Variants in TAB1 observed in about 807,000 individuals in gnomAD.
TAB1 encodes the protein TGF-beta-activated kinase 1 and MAP3K7-binding protein 1.
Under a neutral mutation model 54.5 loss-of-function variants are expected in TAB1, and 30 were observed. The ratio of observed to expected loss-of-function variants is 0.55; its 90% confidence interval spans 0.41 to 0.75. TAB1 has a LOEUF of 0.75. Among genes scored for constraint, TAB1 ranks in the 30% least tolerant of loss-of-function variants. The pLI, the probability that TAB1 is intolerant of heterozygous loss-of-function variation, is 0.00. For missense variants in TAB1, 609 were observed against 683.2 expected, an observed-to-expected ratio of 0.89 and a Z score of 1.21; for synonymous variants, 289 against 286.9, an observed-to-expected ratio of 1.01 and a Z score of -0.07.
intron 1 of TAB1, among the ~76,000 whole-genome samples, chr22:39,412,183 G>A (rs1926635331): frequency 6.6e-6 from 1 of 152,222 alleles, no homozygotes; most frequent in East Asian, 1.9e-4. Context: ...GGAATTACAG[G>A]TGTGCGCCAC....
rs1185140829 is a variant in TAB1 at position 39,415,960 on chromosome 22, A to C, written c.324+307A>C. Reference sequence around the variant, plus strand: ...AGGCCTGGTAGAAATGGGGTCATTTAGAGCTACCCCTTTCTTTCCTATGTG... The same window carrying C: ...AGGCCTGGTAGAAATGGGGTCATTTCGAGCTACCCCTTTCTTTCCTATGTG... On this transcript the variant is annotated intron_variant, in intron 3 of 10. Coordinates refer to ENST00000216160, the MANE Select transcript of TAB1 (RefSeq NM_006116.3). The surrounding 1 kb of genome is among the most constrained non-coding windows in gnomAD (Gnocchi z 4.9). 6.6e-6 allele frequency among the ~76,000 whole-genome samples: 1 copy of C among 152,200 alleles called. No individual in the cohort carries two copies. The highest frequency in any genetic ancestry group is 1.5e-5 in the Non-Finnish European group (1 of 68,022).
chr22:39,411,291 G>C (rs967845877), intron 1 of TAB1, among the ~76,000 whole-genome samples: 5 of 152,138 alleles, frequency 3.3e-5, no homozygotes, highest in Non-Finnish European at 5.9e-5. Flanking sequence ...CCATGAAAGA[G>C]AAAAAATGGA....
intron 10 of TAB1, chr22:39,429,806 T>C (rs1927507440): frequency 1.0e-6 from 1 of 985,210 alleles, no homozygotes. Flanking sequence ...TTTAGTTCAT[T>C]TAAGTAGCCA....
intron 10 of TAB1, chr22:39,429,443 T>A: frequency 1.9e-5 from 15 of 804,326 alleles, no homozygotes; most frequent in Non-Finnish European, 2.1e-5. Context: ...CTCTAGCCAC[T>A]TGTGGCTATT....
At chr22:39,414,005 G>T (rs1926719377) in intron 1 of TAB1, among the ~76,000 whole-genome samples, 1 of 152,214 alleles carries the variant, frequency 6.6e-6, no homozygotes, top group African/African-American at 2.4e-5. Context: ...TGGGGCCAGG[G>T]CCTGGACCGC....
chr22:39,421,094 C>A (rs1345215078), intron 7 of TAB1, among the ~76,000 whole-genome samples: 1 of 151,328 alleles, frequency 6.6e-6, no homozygotes, highest in African/African-American at 2.4e-5. Context: ...TTTTTTTAAA[C>A]CCTAAGGTGT....
In TAB1 at chr22:39,413,149, C is replaced by T. The variant is rs557868878; in HGVS notation, c.34-1857C>T. ...CAGGATGGTCTCGATCTTCTGACCT[C>T]ATGATCCACCTGCCTCAGCCTCCCA... On this transcript the variant is annotated intron_variant, in intron 1 of 10. Coordinates refer to ENST00000216160, the MANE Select transcript of TAB1 (RefSeq NM_006116.3). 3.9e-5 allele frequency among the ~76,000 whole-genome samples: 6 copies of T among 152,084 alleles called. No homozygotes were observed. In the South Asian group the frequency reaches 1.2e-3, roughly 32 times the overall value.
intron 1 of TAB1, among the ~76,000 whole-genome samples, chr22:39,410,324 T>C (rs573383746): frequency 6.6e-6 from 1 of 152,230 alleles, no homozygotes; most frequent in African/African-American, 2.4e-5. Flanking sequence ...CCCAGGCTAG[T>C]CTCAAACTCC....
At chr22:39,435,587 C>T (rs1006258661), downstream of TAB1, among the ~76,000 whole-genome samples, 3 of 152,222 alleles carry the variant, frequency 2.0e-5, no homozygotes, top group Admixed American at 6.5e-5. Context: ...GGAGACAGTT[C>T]AGCTCCGTAT....
At chr22:39,432,777 C>T (rs1477844889), downstream of TAB1, 1 of 985,710 alleles carries the variant, frequency 1.0e-6, no homozygotes, top group Non-Finnish European at 1.2e-6. Flanking sequence ...GCGTGTGGGG[C>T]CGGGCGCTGC....
intron 5 of TAB1, among the ~76,000 whole-genome samples, chr22:39,418,373 A>G (rs1230860485): frequency 6.6e-6 from 1 of 152,178 alleles, no homozygotes; most frequent in East Asian, 1.9e-4. Context: ...TCATGCGCCC[A>G]TCCCCAATCC....
intron 5 of TAB1, 81 bp from the exon 6 acceptor site, chr22:39,418,651 C>A: frequency 9.3e-7 from 1 of 1,077,318 alleles, no homozygotes; most frequent in Non-Finnish European, 1.4e-6. Flanking sequence ...GAAATGCCTG[C>A]CTTTTCCCTC....
downstream of TAB1, among the ~76,000 whole-genome samples, chr22:39,436,270 G>T (rs762672902): frequency 1.1e-4 from 17 of 151,926 alleles, no homozygotes; most frequent in Non-Finnish European, 2.2e-4. Context: ...TCCAGCCTGG[G>T]CAACAGAGCG....
intron 5 of TAB1, 151 bp downstream of exon 5, chr22:39,418,000 A>T: frequency 9.8e-7 from 1 of 1,015,612 alleles, no homozygotes. Flanking sequence ...CTCCACAGTG[A>T]CGCCTCAGTC....
At chr22:39,436,181 T>C (rs1927776809), downstream of TAB1, among the ~76,000 whole-genome samples, 1 of 152,004 alleles carries the variant, frequency 6.6e-6, no homozygotes, top group Non-Finnish European at 1.5e-5. Flanking sequence ...TAGTCCCAGC[T>C]ACTCAGGAGG....
chr22:39,433,515 G>A, downstream of TAB1: 1 of 985,390 alleles, frequency 1.0e-6, no homozygotes, highest in Non-Finnish European at 1.2e-6. Flanking sequence ...CTTGACGGAG[G>A]TCCTGGCCCT....
rs1242165604 is a variant in TAB1 at position 39,428,121 on chromosome 22, C to T, written c.1245C>T (p.Gly415=). Reference sequence around the variant, plus strand: ...TCTCCCTTGTCATGCCCTCCCAGGGCCAGATGGTCAACGGGGCTCACAGTG... The same window carrying T: ...TCTCCCTTGTCATGCCCTCCCAGGGTCAGATGGTCAACGGGGCTCACAGTG... ...VTLSLVMPSQ[G]QMVNGAHSAS... The change falls in exon 10 of 11, where the codon GGC becomes GGT. Residue 415 remains glycine (G), a synonymous_variant. Coordinates refer to ENST00000216160, the MANE Select transcript of TAB1 (RefSeq NM_006116.3). 1 of 1,613,774 alleles carries T rather than the reference C, an allele frequency of 6.2e-7. No individual in the cohort carries two copies. Among genetic ancestry groups the T allele is most frequent in the Non-Finnish European group, 8.5e-7 (1 of 1,179,708 alleles).
Position 39,419,637 on chromosome 22 carries a change from G to A in TAB1, c.776+7G>A, listed in dbSNP as rs1336845381. 1 of 1,591,476 alleles carries A rather than the reference G, an allele frequency of 6.3e-7. No homozygotes were observed. The highest frequency in any genetic ancestry group is 1.7e-5 in the Admixed American group (1 of 59,414). On this transcript the variant is annotated splice_region_variant and intron_variant, in intron 7 of 10. Transcript: ENST00000216160. ...CGGACATTGACCTTCTCAGGTAGGT[G>A]CCAGCCCAGCTGTCCCCTGTGCTTG...
intron 1 of TAB1, among the ~76,000 whole-genome samples, chr22:39,401,303 G>A (rs1464786844): frequency 1.3e-5 from 2 of 152,178 alleles, no homozygotes; most frequent in African/African-American, 2.4e-5. Context: ...CCCCAGTGGG[G>A]ATTGCTGTCT....
Sources: gnomAD v4.1 joint callset for allele counts (sites outside exome capture counted in the v4.1 genomes callset) on GRCh38, gnomAD v4.1.1 for gene constraint, Gnocchi (gnomAD v3.1) non-coding constraint, MANE v1.5 for transcripts, NCBI Gene and HGNC (gene_info 2026-07-23, HGNC 2026-07-21) for gene names.